The following NOS1AP variants were observed in gnomAD, a reference collection of about 807,000 sequenced individuals.
The protein encoded by NOS1AP is carboxyl-terminal PDZ ligand of neuronal nitric oxide synthase protein.
In NOS1AP, 21 loss-of-function variants were observed where a neutral mutation model predicts 56.2. The ratio of observed to expected loss-of-function variants is 0.37; its 90% confidence interval spans 0.26 to 0.54. NOS1AP has a LOEUF of 0.54. NOS1AP is among the 20% of genes least tolerant of loss of function. NOS1AP has a pLI of 0.84. For missense variants in NOS1AP, 522 were observed against 657.8 expected (o/e 0.79, Z 2.26); for synonymous variants, 270 against 274.6 (o/e 0.98, Z 0.17).
In NOS1AP at chr1:162,070,221, A is replaced by G. The variant is rs1214877372; in HGVS notation, c.44A>G (p.Asp15Gly). The G allele has an allele frequency of 6.2e-7, 1 of 1,614,058 alleles. No homozygotes were observed. Among genetic ancestry groups the G allele is most frequent in the Non-Finnish European group, 8.5e-7 (1 of 1,179,950 alleles). The change falls in exon 1 of 10, where the codon GAC (aspartate) becomes GGC (glycine). Residue 15 changes from aspartate to glycine, a missense_variant. By Grantham distance (94) the Asp-to-Gly change is moderately conservative (BLOSUM62 -1). Around this residue, in one of 4 missense-constraint regions of NOS1AP, gnomAD observed 132 missense variants for 218.1 expected, o/e 0.61. Coordinates refer to ENST00000361897, the MANE Select transcript of NOS1AP (RefSeq NM_014697.3). ...TKYNLVDDGH[D>G]LRIPLHNEDA... is the part of the protein sequence containing the mutation. Reference sequence around the variant, plus strand: ...TACAACCTTGTGGACGATGGGCACGACCTGCGGATCCCCTTGCACAACGAG... The same window carrying G: ...TACAACCTTGTGGACGATGGGCACGGCCTGCGGATCCCCTTGCACAACGAG...
rs376664684 is a variant in NOS1AP, at chr1:162,123,110, TAGATTCATTTGTTTTC to T, written c.106-31292_106-31277del. Among the ~76,000 whole-genome samples, 426 of 152,340 alleles carry T rather than the reference TAGATTCATTTGTTTTC, an allele frequency of 2.8e-3. 4 individuals are homozygous for T. Among genetic ancestry groups the T allele is most frequent in the African/African-American group, 9.9e-3 (410 of 41,588 alleles). ...TTATGCCACCAATTTGAGATAATAG[TAGATTCATTTGTTTTC>T]AGTTTGTTTCCAAGCTTTACTGATT... On this transcript the variant is annotated intron_variant, in intron 1 of 9. Coordinates refer to ENST00000361897, the MANE Select transcript of NOS1AP (RefSeq NM_014697.3).
At chr1:162,235,132 T>A (rs891733479) in intron 2 of NOS1AP, among the ~76,000 whole-genome samples, 25 of 117,456 alleles carry the variant, frequency 2.1e-4, no homozygotes, top group Middle Eastern at 4.5e-3. Flanking sequence ...CTATTAAACA[T>A]TTTAAAACTT....
intron 2 of NOS1AP, among the ~76,000 whole-genome samples, chr1:162,259,856 C>G (rs1654152951): frequency 6.6e-6 from 1 of 152,082 alleles, no homozygotes; most frequent in South Asian, 2.1e-4. Context: ...TTCCTAGTTG[C>G]ATTTATTCCC....
chr1:162,345,852 C>T (rs1657277288), intron 6 of NOS1AP, among the ~76,000 whole-genome samples: 1 of 152,122 alleles, frequency 6.6e-6, no homozygotes, highest in African/African-American at 2.4e-5. Context: ...TGGTGCTTGG[C>T]ACAGAGTATG....
chr1:162,357,186 G>T (rs1403736749), intron 8 of NOS1AP, 50 bp downstream of exon 8: 4 of 1,587,290 alleles, frequency 2.5e-6, no homozygotes, highest in Admixed American at 1.7e-5. Flanking sequence ...TCATGGGCTT[G>T]ATGCACCTTC....
intron 4 of NOS1AP, among the ~76,000 whole-genome samples, chr1:162,327,491 T>C (rs1192492931): frequency 2.6e-5 from 4 of 152,228 alleles, no homozygotes; most frequent in Non-Finnish European, 4.4e-5. Flanking sequence ...GAATTTGTCA[T>C]TGCTCCTGGG....
At position 162,142,790 on chromosome 1, in the gene NOS1AP, A is replaced by G. The variant is rs537946722; in HGVS notation, c.106-11615A>G. ...CCTTGCAGGGTCGTTGCTGACTTGT[A>G]ACTTACACGTTAAGTGATGTATGTA... On this transcript the variant is annotated intron_variant, in intron 1 of 9. Transcript: ENST00000361897. 1.2e-4 allele frequency among the ~76,000 whole-genome samples: 18 copies of G among 152,336 alleles called. No individual in the cohort carries two copies. The South Asian group carries it at 3.7e-3, about 32-fold the overall frequency.
chr1:162,108,750 T>A lies in NOS1AP; in HGVS notation c.105+38468T>A, dbSNP rs193025459. Among the ~76,000 whole-genome samples, 5 of 152,136 alleles carry A rather than the reference T, an allele frequency of 3.3e-5. No individual in the cohort carries two copies. The East Asian group carries it at 9.7e-4, about 29-fold the overall frequency. On this transcript the variant is annotated intron_variant, in intron 1 of 9. Coordinates refer to ENST00000361897, the MANE Select transcript of NOS1AP (RefSeq NM_014697.3). ...AGGATTTATACAGGGGGCAGAGGAA[T>A]GTGTTAAATAAAACTATGGGAGTGC...
intron 3 of NOS1AP, among the ~76,000 whole-genome samples, chr1:162,287,967 G>T (rs943054694): frequency 6.6e-6 from 1 of 152,164 alleles, no homozygotes; most frequent in South Asian, 2.1e-4. Context: ...CCGTGTGCAG[G>T]GATGGTGGGG....
intron 2 of NOS1AP, among the ~76,000 whole-genome samples, chr1:162,164,698 CT>C (rs1650396176): frequency 6.6e-6 from 1 of 152,184 alleles, no homozygotes; most frequent in Non-Finnish European, 1.5e-5. Flanking sequence ...AAGTTTATTC[CT>C]TTTTATGGCT....
At chr1:162,287,315 C>T in intron 2 of NOS1AP, 29 bp from the exon 3 acceptor site, 1 of 1,532,892 alleles carries the variant, frequency 6.5e-7, no homozygotes, top group Non-Finnish European at 9.0e-7. Flanking sequence ...TCAGATTGCA[C>T]TTTCTTTTTG....
chr1:162,174,800 T>G (rs1357725090), intron 2 of NOS1AP, among the ~76,000 whole-genome samples: 2 of 152,228 alleles, frequency 1.3e-5, no homozygotes, highest in Admixed American at 6.5e-5. Flanking sequence ...TCATTTTCTG[T>G]TCCAGGATCT....
chr1:162,103,345 C>T (rs1647381085), intron 1 of NOS1AP, among the ~76,000 whole-genome samples: 1 of 151,810 alleles, frequency 6.6e-6, no homozygotes, highest in East Asian at 1.9e-4. Context: ...GAGTATTTTA[C>T]TTCTGATTAT....
intron 1 of NOS1AP, among the ~76,000 whole-genome samples, chr1:162,135,008 T>C (rs1029693225): frequency 1.8e-4 from 27 of 152,202 alleles, no homozygotes; most frequent in African/African-American, 6.5e-4. Flanking sequence ...ATGGCCTGCC[T>C]TCTCTATTTC....
At chr1:162,242,031 G>A (rs547368588) in intron 2 of NOS1AP, among the ~76,000 whole-genome samples, 1 of 152,276 alleles carries the variant, frequency 6.6e-6, no homozygotes, top group East Asian at 1.9e-4. Flanking sequence ...TCAAAAAATA[G>A]ATCTAGAAGT....
intron 2 of NOS1AP, among the ~76,000 whole-genome samples, chr1:162,160,672 C>T (rs1214634319): frequency 1.3e-5 from 2 of 152,188 alleles, no homozygotes; most frequent in Non-Finnish European, 2.9e-5. Context: ...TGGCCCCCCT[C>T]AGCACCATTT....
intron 2 of NOS1AP, among the ~76,000 whole-genome samples, chr1:162,172,850 A>G (rs1453892245): frequency 6.6e-6 from 1 of 152,150 alleles, no homozygotes; most frequent in Non-Finnish European, 1.5e-5. Flanking sequence ...AGATTCTGCT[A>G]TTCAGGCAGC....
intron 4 of NOS1AP, among the ~76,000 whole-genome samples, chr1:162,301,258 T>G (rs1177172658): frequency 6.6e-6 from 1 of 152,086 alleles, no homozygotes; most frequent in African/African-American, 2.4e-5. Context: ...TGGGGGTGAT[T>G]AAGTCATGAG....
rs145116700 is a variant in NOS1AP at position 162,082,794 on chromosome 1, G to A, written c.105+12512G>A. The stretch of plus-strand genomic sequence containing the variant: ...TGGTGCCTCTGGTAGAGTACAAAAC[G>A]CTGAAAAGGTCATTCCCAGAGATGT... On this transcript the variant is annotated intron_variant, in intron 1 of 9. Coordinates refer to ENST00000361897, the MANE Select transcript of NOS1AP (RefSeq NM_014697.3). 1.0e-3 allele frequency among the ~76,000 whole-genome samples: 157 copies of A among 152,198 alleles called. 1 individual carries two copies. The highest frequency in any genetic ancestry group is 8.7e-4 in the African/African-American group (36 of 41,538).
Sources: allele counts gnomAD v4.1 joint callset (sites outside exome capture counted in the v4.1 genomes callset), GRCh38; gene constraint gnomAD v4.1.1; regional missense constraint gnomAD v4.1.1; transcripts MANE v1.5; gene names NCBI Gene and HGNC (gene_info 2026-07-23, HGNC 2026-07-21).